The following TTLL4 variants were observed in gnomAD, a reference collection of about 807,000 sequenced individuals.
TTLL4 encodes the protein tubulin monoglutamylase TTLL4.
TTLL4 carries 85 observed loss-of-function variants against 122.7 expected under a neutral mutation model. The observed-to-expected ratio is 0.69, with a 90% confidence interval of 0.58 to 0.83. The LOEUF (loss-of-function observed/expected upper bound fraction) is 0.83. Ranked by LOEUF, TTLL4 falls within the 40% of genes least tolerant of loss-of-function variation. The pLI is 0.00. For synonymous variants in TTLL4, 553 were observed against 563.0 expected, an observed-to-expected ratio of 0.98 and a Z score of 0.25; for missense variants, 1,363 against 1,488.6, an observed-to-expected ratio of 0.92 and a Z score of 1.39.
chr2:218,721,778 C>G (rs145252689), intron 1 of TTLL4, among the ~76,000 whole-genome samples: 2 of 152,186 alleles, frequency 1.3e-5, no homozygotes, highest in African/African-American at 4.8e-5. Flanking sequence ...TCAAAGCTTT[C>G]ATTCTGGAAG....
downstream of TTLL4, among the ~76,000 whole-genome samples, chr2:218,755,915 A>G (rs1419843774): frequency 6.6e-6 from 1 of 152,128 alleles, no homozygotes; most frequent in African/African-American, 2.4e-5. Flanking sequence ...GCCGGTCCTA[A>G]GGCCATGTTG....
chr2:218,744,463 C>CA (rs1285518607), intron 5 of TTLL4, among the ~76,000 whole-genome samples: 1 of 152,172 alleles, frequency 6.6e-6, no homozygotes, highest in Non-Finnish European at 1.5e-5. Context: ...CCCCATGGCC[C>CA]ACTGTCCCAC....
At chr2:218,753,064 G>A (rs1442399966) in intron 17 of TTLL4, 51 bp from the exon 18 acceptor site, 2 of 1,613,414 alleles carry the variant, frequency 1.2e-6, no homozygotes, top group Non-Finnish European at 1.7e-6. Flanking sequence ...GAAAGAATTG[G>A]CCAATTGATT....
intron 2 of TTLL4, among the ~76,000 whole-genome samples, chr2:218,736,567 G>C (rs547999659): frequency 6.6e-6 from 1 of 151,296 alleles, no homozygotes; most frequent in African/African-American, 2.4e-5. Context: ...TCCTGTCCCA[G>C]TATGGCTGCT....
intron 3 of TTLL4, 103 bp downstream of exon 3, chr2:218,739,266 A>C: frequency 7.1e-7 from 1 of 1,403,612 alleles, no homozygotes; most frequent in East Asian, 2.4e-5. Flanking sequence ...TTTATTTTTT[A>C]GCTGCCCTAG....
chr2:218,751,572 CAAGT>C, intron 15 of TTLL4, 128 bp from the exon 16 acceptor site: 1 of 1,358,492 alleles, frequency 7.4e-7, no homozygotes, highest in Non-Finnish European at 9.5e-7. Context: ...ACCTACTACT[CAAGT>C]AACCTCTGTT....
chr2:218,737,884 G>T lies in TTLL4; in HGVS notation c.208G>T (p.Gly70Cys). Residue 70 changes from glycine (G) to cysteine (C), a missense_variant, in exon 3 of 20, where the codon GGC becomes TGC. Physicochemically the swap from Gly to Cys is radical, Grantham distance 159 (BLOSUM62 -3). Coordinates refer to ENST00000392102, the MANE Select transcript of TTLL4 (RefSeq NM_014640.5). ...GACACTGTCAGCAGGGTTGGGCCCA[G>T]GCCTCTTGGGCGTCCCACCCCAGCC... Reference protein sequence around the residue: ...VETLSAGLGPGLLGVPPQPAY... With the variant: ...VETLSAGLGPCLLGVPPQPAY... The T allele has an allele frequency of 6.2e-7, 1 of 1,614,230 alleles. No homozygotes were observed. The highest frequency in any genetic ancestry group is 1.3e-5 in the African/African-American group (1 of 75,060).
chr2:218,726,866 G>T (rs747663945), intron 1 of TTLL4, among the ~76,000 whole-genome samples: 3 of 149,226 alleles, frequency 2.0e-5, no homozygotes, highest in Non-Finnish European at 4.5e-5. Flanking sequence ...GTGTAGTGAT[G>T]CAATCTCAGC....
chr2:218,731,084 C>T (rs1412911581), intron 2 of TTLL4, among the ~76,000 whole-genome samples: 1 of 150,978 alleles, frequency 6.6e-6, no homozygotes, highest in South Asian at 2.1e-4. Flanking sequence ...TGCACTCCAG[C>T]CTTGGTGACA....
intron 1 of TTLL4, among the ~76,000 whole-genome samples, chr2:218,720,907 G>A (rs966371581): frequency 3.3e-5 from 5 of 152,154 alleles, no homozygotes; most frequent in African/African-American, 1.2e-4. Flanking sequence ...GGGAAGGGGA[G>A]TGGAGCCAAA....
chr2:218,748,808 C>G (rs772290846), intron 12 of TTLL4, 28 bp from the exon 13 acceptor site: 2 of 1,601,128 alleles, frequency 1.2e-6, no homozygotes, highest in Non-Finnish European at 8.6e-7. Flanking sequence ...GAATTTAATT[C>G]CTAATACTTC....
At chr2:218,759,646 T>A (rs1328845158), downstream of TTLL4, among the ~76,000 whole-genome samples, 2 of 152,162 alleles carry the variant, frequency 1.3e-5, no homozygotes, top group African/African-American at 4.8e-5. Context: ...TATACAGTTG[T>A]GGGAACTTGT....
chr2:218,749,965 T>C (rs201786927), intron 14 of TTLL4, 44 bp from the exon 15 acceptor site: 733 of 1,605,732 alleles, frequency 4.6e-4, no homozygotes, highest in Non-Finnish European at 6.0e-4. Flanking sequence ...CAGAGACTGT[T>C]TCGGAGTGCT....
intron 1 of TTLL4, among the ~76,000 whole-genome samples, chr2:218,726,544 C>T (rs907960726): frequency 1.3e-5 from 2 of 152,182 alleles, no homozygotes; most frequent in Admixed American, 6.5e-5. Flanking sequence ...CAGCTCACTG[C>T]AACCTCTGCC....
intron 1 of TTLL4, among the ~76,000 whole-genome samples, chr2:218,717,171 C>A (rs972819917): frequency 1.3e-5 from 2 of 151,950 alleles, no homozygotes; most frequent in African/African-American, 4.8e-5. Context: ...CCATGTTGCC[C>A]ATGCTGGTCT....
At chr2:218,716,507 G>A (rs1197212914) in intron 1 of TTLL4, among the ~76,000 whole-genome samples, 4 of 152,044 alleles carry the variant, frequency 2.6e-5, no homozygotes, top group East Asian at 3.9e-4. Context: ...ACACTGTGTC[G>A]GGCTGGGCGC....
At position 218,749,202 on chromosome 2, in the gene TTLL4, A is replaced by G. The variant is rs1942947344; in HGVS notation, c.2601-51A>G. ...CTCTTTTGGCAGGATAGCTCTGAGT[A>G]GAGCCCTCTGGGAGGAGCTGAACTG... On this transcript the variant is annotated intron_variant, in intron 13 of 19. Coordinates refer to ENST00000392102, the MANE Select transcript of TTLL4 (RefSeq NM_014640.5). 9 of 1,606,820 alleles carry G rather than the reference A, an allele frequency of 5.6e-6. 1 individual carries two copies. Among genetic ancestry groups the G allele is most frequent in the Non-Finnish European group, 7.6e-6 (9 of 1,176,566 alleles).
chr2:218,737,856 G>A lies in TTLL4; in HGVS notation c.180G>A (p.Val60=). ...KPIWKLEKKQ[V]ETLSAGLGPG... is the part of the protein sequence containing the mutation. ...TCTGGAAGCTGGAAAAGAAGCAAGT[G>A]GAGACACTGTCAGCAGGGTTGGGCC... The change falls in exon 3 of 20, where the codon GTG becomes GTA. Residue 60 remains valine (V), a synonymous_variant. Transcript: ENST00000392102. The A allele has an allele frequency of 6.2e-7, 1 of 1,614,254 alleles. No homozygotes were observed. The highest frequency in any genetic ancestry group is 1.1e-5 in the South Asian group (1 of 91,090).
chr2:218,754,516 G>T lies in TTLL4; in HGVS notation c.*127G>T. ...CCTGTCCCTCCTCAGAGTATTTTTT[G>T]AAGTGGTTGCATTATAGAGATGGGT... On this transcript the variant is annotated 3_prime_UTR_variant, in exon 20 of 20. Transcript: ENST00000392102. 1 of 1,305,976 alleles carries T rather than the reference G, an allele frequency of 7.7e-7. No homozygotes were observed. The highest frequency in any genetic ancestry group is 1.4e-5 in the South Asian group (1 of 69,790). The allele number at this position is 1,305,976 out of a possible 1,614,324, so 80.9% of individuals were successfully genotyped here.
Sources: gnomAD v4.1 joint callset for allele counts (sites outside exome capture counted in the v4.1 genomes callset) on GRCh38, gnomAD v4.1.1 for gene constraint, MANE v1.5 for transcripts, NCBI Gene and HGNC (gene_info 2026-07-23, HGNC 2026-07-21) for gene names.